The following AGBL4 variants were observed in gnomAD, a reference collection of about 807,000 sequenced individuals.
AGBL4 encodes the protein cytosolic carboxypeptidase 6.
A neutral mutation model predicts 66.4 loss-of-function variants in AGBL4; 58 were observed. The observed-to-expected ratio is 0.87, with a 90% CI of 0.71 to 1.09. The LOEUF (loss-of-function observed/expected upper bound fraction) is 1.09, where lower values mean the gene tolerates loss of function less well. Ranked by LOEUF, AGBL4 falls within the 50% of genes least tolerant of loss-of-function variation. The pLI is 0.00. For missense variants in AGBL4, 579 were observed against 631.0 expected, an observed-to-expected ratio of 0.92 and a Z score of 0.88; for synonymous variants, 234 against 222.9, an observed-to-expected ratio of 1.05 and a Z score of -0.44.
intron 5 of AGBL4, among the ~76,000 whole-genome samples, chr1:48,956,039 G>A (rs1657422261): frequency 6.6e-6 from 1 of 152,204 alleles, no homozygotes; most frequent in South Asian, 2.1e-4. Flanking sequence ...GCAATAGGGA[G>A]CAAAAAAGGC....
chr1:48,859,031 T>G (rs1647274550), intron 6 of AGBL4, among the ~76,000 whole-genome samples: 1 of 152,026 alleles, frequency 6.6e-6, no homozygotes, highest in Non-Finnish European at 1.5e-5. Flanking sequence ...TGACCATAAA[T>G]TCAAATCCTT....
At chr1:48,927,017 T>C (rs1001527361) in intron 5 of AGBL4, among the ~76,000 whole-genome samples, 1 of 152,092 alleles carries the variant, frequency 6.6e-6, no homozygotes, top group African/African-American at 2.4e-5. Context: ...CTGATTTTTT[T>C]CCTTTATTAC....
chr1:48,756,003 A>T (rs1269048227), intron 6 of AGBL4, among the ~76,000 whole-genome samples: 1 of 152,186 alleles, frequency 6.6e-6, no homozygotes, highest in Non-Finnish European at 1.5e-5. Flanking sequence ...GGGGTGCCCG[A>T]GTTAAAAGCC....
At chr1:48,534,819 T>G in intron 13 of AGBL4, 71 bp downstream of exon 13, 32 of 1,446,210 alleles carry the variant, frequency 2.2e-5, no homozygotes, top group Non-Finnish European at 3.0e-5. Flanking sequence ...CCAGAATAGG[T>G]GAGATACAGC....
intron 3 of AGBL4, among the ~76,000 whole-genome samples, chr1:49,570,387 G>T (rs1644302617): frequency 6.6e-6 from 1 of 152,028 alleles, no homozygotes; most frequent in African/African-American, 2.4e-5. Flanking sequence ...TTTTAAAAAT[G>T]TCTGCATAAA....
chr1:49,603,652 C>T (rs534127780), intron 3 of AGBL4, among the ~76,000 whole-genome samples: 104 of 152,244 alleles, frequency 6.8e-4, no homozygotes, highest in Non-Finnish European at 1.3e-3. Context: ...AGCCATTTTA[C>T]ATGTCATTAC....
intron 3 of AGBL4, among the ~76,000 whole-genome samples, chr1:49,349,443 T>C (rs1373821437): frequency 6.6e-6 from 1 of 152,150 alleles, no homozygotes; most frequent in East Asian, 1.9e-4. Context: ...CCTTCTCTCA[T>C]CTCCTTTTCC....
intron 5 of AGBL4, among the ~76,000 whole-genome samples, chr1:49,035,832 T>A (rs755050735): frequency 4.6e-5 from 7 of 152,126 alleles, no homozygotes; most frequent in Non-Finnish European, 1.0e-4. Context: ...TTCTATATTA[T>A]CTCTCCAACT....
chr1:49,855,021 G>A (rs982120920), intron 1 of AGBL4, among the ~76,000 whole-genome samples: 1 of 152,132 alleles, frequency 6.6e-6, no homozygotes. Flanking sequence ...ACTGTGAAGA[G>A]GTGCTTTTTG....
intron 5 of AGBL4, among the ~76,000 whole-genome samples, chr1:48,923,980 C>T (rs1201302709): frequency 6.6e-6 from 1 of 152,044 alleles, no homozygotes; most frequent in Non-Finnish European, 1.5e-5. Flanking sequence ...CAAAGGGACC[C>T]TACCCTGGGA....
At chr1:48,992,556 C>T (rs1660681555) in intron 5 of AGBL4, among the ~76,000 whole-genome samples, 1 of 152,112 alleles carries the variant, frequency 6.6e-6, no homozygotes, top group South Asian at 2.1e-4. Flanking sequence ...GGCCTGTGTC[C>T]TTCCCTTCAG....
In AGBL4 at chr1:49,439,320, T is replaced by C. The variant is rs565454110; in HGVS notation, c.283-193456A>G. On this transcript the variant is annotated intron_variant, in intron 3 of 13. Coordinates refer to ENST00000371839, the MANE Select transcript of AGBL4 (RefSeq NM_032785.4). ...CATGCCTGGCAGGAAGTAGCACCAC[T>C]CCTTAGTGACTACTGTTTAATCATG... Among the ~76,000 whole-genome samples, 3 of 152,272 alleles carry C rather than the reference T, an allele frequency of 2.0e-5. No homozygotes were observed. The South Asian group carries it at 6.2e-4, about 32-fold the overall frequency.
intron 4 of AGBL4, among the ~76,000 whole-genome samples, chr1:49,134,677 CT>C (rs1163250124): frequency 6.6e-6 from 1 of 151,670 alleles, no homozygotes; most frequent in Non-Finnish European, 1.5e-5. Context: ...TTATCCTGTT[CT>C]TTTTTGAAGG....
At chr1:48,817,562 C>A in intron 6 of AGBL4, 1 of 156,886 alleles carries the variant, frequency 6.4e-6, no homozygotes, top group Non-Finnish European at 1.4e-5. Context: ...TAGTATTAAT[C>A]CTGTGGGTAT....
At chr1:49,770,649 CT>C (rs571223107) in intron 2 of AGBL4, among the ~76,000 whole-genome samples, 184 of 152,102 alleles carry the variant, frequency 1.2e-3, no homozygotes, top group African/African-American at 4.1e-3. Flanking sequence ...AAGACCTGGA[CT>C]TTTTTTTCAT....
intron 3 of AGBL4, among the ~76,000 whole-genome samples, chr1:49,303,056 T>C (rs1242848473): frequency 6.6e-6 from 1 of 152,204 alleles, no homozygotes; most frequent in African/African-American, 2.4e-5. Context: ...CTTTATCCTA[T>C]AATTGATGGG....
chr1:48,878,370 A>G (rs981759854), intron 5 of AGBL4, among the ~76,000 whole-genome samples: 4 of 152,190 alleles, frequency 2.6e-5, no homozygotes, highest in Non-Finnish European at 5.9e-5. Flanking sequence ...AACTTGGTGT[A>G]GGAATCAACA....
chr1:49,555,543 G>A (rs1467396913), intron 3 of AGBL4, among the ~76,000 whole-genome samples: 1 of 148,040 alleles, frequency 6.8e-6, no homozygotes, highest in Non-Finnish European at 1.5e-5. Flanking sequence ...TCAGCACTCT[G>A]TGTGTAGCTC....
chr1:49,633,668 T>C (rs953967715), intron 3 of AGBL4, among the ~76,000 whole-genome samples: 4 of 151,810 alleles, frequency 2.6e-5, no homozygotes, highest in Non-Finnish European at 4.4e-5. Context: ...AAAAATTAAA[T>C]AAACAAATAA....
Sources: gnomAD v4.1 joint callset for allele counts (sites outside exome capture counted in the v4.1 genomes callset) on GRCh38, gnomAD v4.1.1 for gene constraint, MANE v1.5 for transcripts, NCBI Gene and HGNC (gene_info 2026-07-23, HGNC 2026-07-21) for gene names.